The following BCHE variants were observed in gnomAD, a reference collection of about 807,000 sequenced individuals.
BCHE encodes cholinesterase.
A neutral mutation model predicts 51.3 loss-of-function variants in BCHE; 48 were observed. The observed-to-expected ratio is 0.94, with a 90% confidence interval of 0.74 to 1.19. BCHE has a LOEUF of 1.19. Ranked by LOEUF, BCHE falls within the 50% of genes most tolerant of loss-of-function variation. The pLI, the probability that BCHE is intolerant of heterozygous loss-of-function variation, is 0.00. For missense variants in BCHE, 847 were observed against 708.2 expected, an observed-to-expected ratio of 1.20 and a Z score of -2.23; for synonymous variants, 251 against 238.0, an observed-to-expected ratio of 1.05 and a Z score of -0.50.
At chr3:165,792,574 G>A (rs1713211804) in intron 2 of BCHE, among the ~76,000 whole-genome samples, 1 of 152,056 alleles carries the variant, frequency 6.6e-6, no homozygotes, top group Non-Finnish European at 1.5e-5. Context: ...CATTATAAGT[G>A]GAAGGTAGCA....
chr3:165,797,916 A>G (rs1370512240), intron 2 of BCHE, among the ~76,000 whole-genome samples: 2 of 152,214 alleles, frequency 1.3e-5, no homozygotes, highest in Non-Finnish European at 2.9e-5. Flanking sequence ...AAAATTATAC[A>G]AAAATTTAAT....
chr3:165,826,220 C>T (rs1376587783), intron 2 of BCHE, among the ~76,000 whole-genome samples: 1 of 152,078 alleles, frequency 6.6e-6, no homozygotes, highest in Non-Finnish European at 1.5e-5. Context: ...TCGTAGAATG[C>T]TAGTCATAAT....
At chr3:165,794,914 A>G (rs1160809501) in intron 2 of BCHE, among the ~76,000 whole-genome samples, 1 of 152,098 alleles carries the variant, frequency 6.6e-6, no homozygotes, top group Non-Finnish European at 1.5e-5. Context: ...AATTATATAA[A>G]TTGAAAATTA....
chr3:165,835,053 C>G (rs1448228988), intron 1 of BCHE, among the ~76,000 whole-genome samples: 3 of 151,690 alleles, frequency 2.0e-5, no homozygotes, highest in Non-Finnish European at 4.4e-5. Flanking sequence ...TCAGACCATT[C>G]TAGTTTTTGA....
intron 3 of BCHE, among the ~76,000 whole-genome samples, chr3:165,781,336 A>AC (rs1712690359): frequency 6.8e-6 from 1 of 147,304 alleles, no homozygotes; most frequent in Non-Finnish European, 1.5e-5. Flanking sequence ...CCAACCCAAA[A>AC]GCCTATCAGT....
intron 2 of BCHE, among the ~76,000 whole-genome samples, chr3:165,804,162 A>ATAATT (rs1004034283): frequency 6.6e-6 from 1 of 152,178 alleles, no homozygotes; most frequent in Non-Finnish European, 1.5e-5. Context: ...TGATTCAGAA[A>ATAATT]TAATTAAGTG....
chr3:165,816,095 T>C (rs763831439), intron 2 of BCHE, among the ~76,000 whole-genome samples: 13 of 151,972 alleles, frequency 8.6e-5, no homozygotes, highest in Non-Finnish European at 1.5e-5. Flanking sequence ...TGACCTTTTC[T>C]ATGGAATACA....
At chr3:165,792,936 T>C (rs1713224460) in intron 2 of BCHE, among the ~76,000 whole-genome samples, 1 of 152,186 alleles carries the variant, frequency 6.6e-6, no homozygotes, top group Non-Finnish European at 1.5e-5. Context: ...AAACAATGTC[T>C]TTTATTGATT....
intron 2 of BCHE, among the ~76,000 whole-genome samples, chr3:165,815,278 T>C (rs1176467827): frequency 2.7e-5 from 4 of 149,934 alleles, no homozygotes; most frequent in African/African-American, 9.7e-5. Context: ...GCAAAGGAGA[T>C]TGAATTCTTG....
intron 2 of BCHE, among the ~76,000 whole-genome samples, chr3:165,825,266 G>A (rs1366970862): frequency 6.6e-6 from 1 of 151,992 alleles, no homozygotes; most frequent in Non-Finnish European, 1.5e-5. Flanking sequence ...GAATAGTGAT[G>A]TAGTATCTGA....
chr3:165,829,650 TC>T lies in BCHE; in HGVS notation c.1383del (p.Trp461Ter). The T allele has an allele frequency of 6.2e-7, 1 of 1,613,834 alleles. No individual in the cohort carries two copies. Among genetic ancestry groups the T allele is most frequent in the Non-Finnish European group, 8.5e-7 (1 of 1,179,856 alleles). On this transcript the variant is annotated frameshift_variant, in exon 2 of 4. Coordinates refer to ENST00000264381, the MANE Select transcript of BCHE (RefSeq NM_000055.4). LOFTEE classifies it high-confidence loss of function. ...HRSSKLPWPEWMGVMHGYEIE... is the reference protein window; with the variant it reads ...HRSSKLPWPEXMGVMHGYEIE... ...ATTTCATAGCCATGCATCACTCCCA[TC>T]CATTCTGGCCACGGAAGTTTGGAGG...
In BCHE at chr3:165,829,692, A is replaced by G; in HGVS notation, c.1342T>C (p.Tyr448His). 6.2e-7 allele frequency: 1 copy of G among 1,613,934 alleles called. No homozygotes were observed. The highest frequency in any genetic ancestry group is 8.5e-7 in the Non-Finnish European group (1 of 1,179,944). The change falls in exon 2 of 4, where the codon TAT becomes CAT. Residue 448 changes from tyrosine to histidine, a missense_variant. By Grantham distance (83) the Tyr-to-His change is moderately conservative. Coordinates refer to ENST00000264381, the MANE Select transcript of BCHE (RefSeq NM_000055.4). ...SEWGNNAFFY[Y>H]FEHRSSKLPW... Reference sequence around the variant, plus strand: ...AGTTTGGAGGATCGGTGTTCAAAATAGTAGAAAAAGGCATTATTTCCCCAT... The same window carrying G: ...AGTTTGGAGGATCGGTGTTCAAAATGGTAGAAAAAGGCATTATTTCCCCAT...
intron 2 of BCHE, among the ~76,000 whole-genome samples, chr3:165,794,097 T>C (rs1256561878): frequency 6.6e-6 from 1 of 151,802 alleles, no homozygotes; most frequent in Non-Finnish European, 1.5e-5. Context: ...AAATTAATTA[T>C]AGTATTTATT....
rs753283945 is a variant in BCHE, at chr3:165,829,549, T to A, written c.1485A>T (p.Ile495=). ...TKAEEILSRS[I]VKRWANFAKY... ...TTGCAAAATTTGCCCACCGTTTCAC[T>A]ATGGATCTACTCAAAATTTCCTCGG... The change falls in exon 2 of 4, where the codon ATA becomes ATT. Residue 495 remains isoleucine, a synonymous_variant. Transcript: ENST00000264381. The A allele has an allele frequency of 6.2e-7, 1 of 1,613,774 alleles. No homozygotes were observed. Among genetic ancestry groups the A allele is most frequent in the Non-Finnish European group, 8.5e-7 (1 of 1,179,804 alleles).
chr3:165,787,793 T>C (rs1245393226), intron 2 of BCHE, among the ~76,000 whole-genome samples: 2 of 151,984 alleles, frequency 1.3e-5, no homozygotes, highest in South Asian at 2.1e-4. Context: ...ATCGAACTTG[T>C]AGGCATTTAC....
chr3:165,806,768 A>G (rs1240385437), intron 2 of BCHE, among the ~76,000 whole-genome samples: 2 of 152,144 alleles, frequency 1.3e-5, no homozygotes, highest in East Asian at 3.8e-4. Context: ...ATCTGCCTAA[A>G]TAATAGCCAA....
At chr3:165,781,407 A>G (rs972043760) in intron 3 of BCHE, among the ~76,000 whole-genome samples, 1 of 152,214 alleles carries the variant, frequency 6.6e-6, no homozygotes, top group Non-Finnish European at 1.5e-5. Flanking sequence ...AAGTCATAAA[A>G]AAGTATGAGA....
intron 2 of BCHE, among the ~76,000 whole-genome samples, chr3:165,804,641 G>A (rs1713805766): frequency 6.6e-6 from 1 of 152,116 alleles, no homozygotes; most frequent in African/African-American, 2.4e-5. Flanking sequence ...TCTTGTGTGT[G>A]AGTGTGTAAA....
intron 2 of BCHE, among the ~76,000 whole-genome samples, chr3:165,793,222 A>C (rs1268384024): frequency 6.6e-6 from 1 of 152,166 alleles, no homozygotes; most frequent in African/African-American, 2.4e-5. Context: ...CAATTTACAA[A>C]TTTCAATACA....
Sources: allele counts gnomAD v4.1 joint callset (sites outside exome capture counted in the v4.1 genomes callset), GRCh38; gene constraint gnomAD v4.1.1; transcripts MANE v1.5; gene names NCBI Gene and HGNC (gene_info 2026-07-23, HGNC 2026-07-21).